The following HS6ST3 variants were observed in gnomAD, a reference collection of about 807,000 sequenced individuals.
HS6ST3 encodes heparan sulfate 6-O-sulfotransferase 3, also known as heparan-sulfate 6-O-sulfotransferase 3.
In HS6ST3, 12 loss-of-function variants were observed where a neutral mutation model predicts 36.7. That is an observed-to-expected ratio of 0.33 (90% CI 0.21 to 0.53). The LOEUF (loss-of-function observed/expected upper bound fraction) is 0.53, where lower values mean the gene tolerates loss of function less well. HS6ST3 is among the 20% of genes least tolerant of loss of function. The pLI is 0.95. For missense variants in HS6ST3, 584 were observed against 640.9 expected, an observed-to-expected ratio of 0.91 and a Z score of 0.96; for synonymous variants, 240 against 257.5, an observed-to-expected ratio of 0.93 and a Z score of 0.65.
chr13:96,831,963 A>AAAAAAAAAAAC (rs1878798958), intron 1 of HS6ST3, among the ~76,000 whole-genome samples: 1 of 145,014 alleles, frequency 6.9e-6, no homozygotes, highest in Non-Finnish European at 1.5e-5. Context: ...TCAAAAAAAA[A>AAAAAAAAAAAC]AAAAAAAAAA....
chr13:96,478,691 C>T (rs71433405), intron 1 of HS6ST3, among the ~76,000 whole-genome samples: 8,104 of 152,220 alleles, frequency 0.053, 253 homozygotes, highest in Middle Eastern at 0.086. Flanking sequence ...CACTCAGTGC[C>T]TGTTTTATGT....
rs151027854 is a variant in HS6ST3, at chr13:96,419,124, C to T, written c.707+327555C>T. Among the ~76,000 whole-genome samples the T allele has an allele frequency of 2.4e-3, 367 of 152,328 alleles. 3 individuals carry two copies. Among genetic ancestry groups the T allele is most frequent in the African/African-American group, 8.2e-3 (341 of 41,574 alleles). ...GCCTTTATTGTGGAGAAGAGCCTTT[C>T]ATTCTGTAATTATAGAGGCAAGGAA... On this transcript the variant is annotated intron_variant, in intron 1 of 1. Transcript: ENST00000376705.
chr13:96,182,202 T>C (rs2054243356), intron 1 of HS6ST3, among the ~76,000 whole-genome samples: 1 of 152,206 alleles, frequency 6.6e-6, no homozygotes, highest in Non-Finnish European at 1.5e-5. Flanking sequence ...AGTCCTCTCT[T>C]ACATTAATTT....
At position 96,467,898 on chromosome 13, in the gene HS6ST3, T is replaced by A. The variant is rs184063469; in HGVS notation, c.708-364592T>A. Among the ~76,000 whole-genome samples, 7 of 152,240 alleles carry A rather than the reference T, an allele frequency of 4.6e-5. No individual in the cohort carries two copies. The East Asian group carries it at 1.4e-3, about 29-fold the overall frequency. On this transcript the variant is annotated intron_variant, in intron 1 of 1. Transcript: ENST00000376705. ...ACCCAGTACACGTGTGGCATTCAAC[T>A]TCAGTGTGAAATAAAGCAGAGTACA...
chr13:96,431,336 C>A (rs552406187), intron 1 of HS6ST3, among the ~76,000 whole-genome samples: 1 of 152,144 alleles, frequency 6.6e-6, no homozygotes, highest in African/African-American at 2.4e-5. Flanking sequence ...TTTTCTCTTT[C>A]CTCTTTCGTT....
intron 1 of HS6ST3, among the ~76,000 whole-genome samples, chr13:96,516,437 T>C (rs2056073175): frequency 6.6e-6 from 1 of 152,196 alleles, no homozygotes; most frequent in Non-Finnish European, 1.5e-5. Flanking sequence ...TTCACACATA[T>C]ATTGAGTACT....
chr13:96,223,516 C>G (rs575530660), intron 1 of HS6ST3, among the ~76,000 whole-genome samples: 118 of 152,226 alleles, frequency 7.8e-4, no homozygotes, highest in Non-Finnish European at 1.5e-3. Flanking sequence ...TCTGATGCCC[C>G]AGCCTGGGCC....
chr13:96,524,606 C>G (rs2056106533), intron 1 of HS6ST3, among the ~76,000 whole-genome samples: 1 of 152,250 alleles, frequency 6.6e-6, no homozygotes, highest in Admixed American at 6.5e-5. Context: ...CTTCCCCCAC[C>G]AAGCTCCAGC....
At chr13:96,274,241 C>G (rs757130762) in intron 1 of HS6ST3, among the ~76,000 whole-genome samples, 1 of 151,794 alleles carries the variant, frequency 6.6e-6, no homozygotes, top group Non-Finnish European at 1.5e-5. Flanking sequence ...CAAAGAAGGA[C>G]AGACTTACAC....
intron 1 of HS6ST3, among the ~76,000 whole-genome samples, chr13:96,570,935 A>G (rs1169392176): frequency 1.3e-5 from 2 of 152,140 alleles, no homozygotes; most frequent in African/African-American, 4.8e-5. Context: ...TTTAAATATG[A>G]GCAGAATTCT....
chr13:96,091,598 T>TGGGGCCCCCCCCCCCCC, intron 1 of HS6ST3, 29 bp downstream of exon 1: 1 of 1,488,798 alleles, frequency 6.7e-7, no homozygotes, highest in Non-Finnish European at 9.0e-7. Context: ...TCTCTGTTCT[T>TGGGGCCCCCCCCCCCCC]CCCCCCCACC....
intron 1 of HS6ST3, among the ~76,000 whole-genome samples, chr13:96,671,048 G>A (rs1372723467): frequency 6.6e-6 from 1 of 152,156 alleles, no homozygotes; most frequent in Non-Finnish European, 1.5e-5. Context: ...TAGGGGTAAT[G>A]AAAGTACACC....
chr13:96,542,830 C>A (rs182576080), intron 1 of HS6ST3, among the ~76,000 whole-genome samples: 151 of 152,286 alleles, frequency 9.9e-4, no homozygotes, highest in African/African-American at 3.4e-3. Flanking sequence ...CTTTCAAGTT[C>A]TGCCCCATCT....
At chr13:96,173,092 A>G (rs745644501) in intron 1 of HS6ST3, among the ~76,000 whole-genome samples, 1 of 152,250 alleles carries the variant, frequency 6.6e-6, no homozygotes, top group Non-Finnish European at 1.5e-5. Flanking sequence ...GGCAACAAAC[A>G]AAGAAAAGAA....
chr13:96,757,191 G>A (rs1200202900), intron 1 of HS6ST3, among the ~76,000 whole-genome samples: 6 of 152,120 alleles, frequency 3.9e-5, no homozygotes, highest in Non-Finnish European at 5.9e-5. Context: ...ATGTAATCAC[G>A]GAAATGGCAC....
At chr13:96,360,256 C>T (rs971077358) in intron 1 of HS6ST3, among the ~76,000 whole-genome samples, 2 of 151,988 alleles carry the variant, frequency 1.3e-5, no homozygotes, top group Non-Finnish European at 2.9e-5. Flanking sequence ...CTCAGAGGAC[C>T]TTAGCATCTG....
intron 1 of HS6ST3, among the ~76,000 whole-genome samples, chr13:96,176,479 G>A (rs567960704): frequency 6.7e-6 from 1 of 149,524 alleles, no homozygotes; most frequent in East Asian, 2.0e-4. Flanking sequence ...GAAAAAGAAG[G>A]AAAACCAGAC....
At chr13:96,765,588 T>TTTCTCTCTCTCTC (rs1877089629) in intron 1 of HS6ST3, among the ~76,000 whole-genome samples, 1 of 142,596 alleles carries the variant, frequency 7.0e-6, no homozygotes, top group African/African-American at 2.6e-5. Context: ...CTCTCTCTCT[T>TTTCTCTCTCTCTC]TCTCTCTCTC....
At chr13:96,511,300 T>G (rs1240690075) in intron 1 of HS6ST3, among the ~76,000 whole-genome samples, 1 of 152,110 alleles carries the variant, frequency 6.6e-6, no homozygotes, top group Non-Finnish European at 1.5e-5. Context: ...AGTTGAACAA[T>G]GTGATAGACT....
Sources: allele counts gnomAD v4.1 joint callset (sites outside exome capture counted in the v4.1 genomes callset), GRCh38; gene constraint gnomAD v4.1.1; transcripts MANE v1.5; gene names NCBI Gene and HGNC (gene_info 2026-07-23, HGNC 2026-07-21).